The following GALNT2 variants were observed in gnomAD, a reference collection of about 807,000 sequenced individuals.
GALNT2 encodes polypeptide N-acetylgalactosaminyltransferase 2.
GALNT2 carries 31 observed loss-of-function variants against 81.4 expected under a neutral mutation model. That is an observed-to-expected ratio of 0.38 (90% CI 0.29 to 0.51). The LOEUF is 0.51. Among genes scored for constraint, GALNT2 ranks in the 20% least tolerant of loss-of-function variants. The probability of loss-of-function intolerance (pLI) is 0.87; values close to 1 mark genes in which losing one functional copy is unlikely to be tolerated. For missense variants in GALNT2, 629 were observed against 765.7 expected, an observed-to-expected ratio of 0.82 and a Z score of 2.11; for synonymous variants, 303 against 287.4, an observed-to-expected ratio of 1.05 and a Z score of -0.55.
chr1:230,113,612 G>A (rs1051364228), intron 1 of GALNT2, among the ~76,000 whole-genome samples: 2 of 152,066 alleles, frequency 1.3e-5, no homozygotes, highest in African/African-American at 2.4e-5. Context: ...GGGATGGATC[G>A]CTGCTGAGTG....
intron 2 of GALNT2, among the ~76,000 whole-genome samples, chr1:230,187,639 C>T (rs552743158): frequency 1.3e-5 from 2 of 152,276 alleles, no homozygotes; most frequent in African/African-American, 4.8e-5. Flanking sequence ...CCTCTTGGTA[C>T]CTGAATTCTC....
At chr1:230,216,095 G>T (rs1342894744) in intron 3 of GALNT2, among the ~76,000 whole-genome samples, 5 of 152,134 alleles carry the variant, frequency 3.3e-5, no homozygotes, top group Non-Finnish European at 7.3e-5. Flanking sequence ...CAGGAAAAAT[G>T]GAGTCAACAG....
intron 1 of GALNT2, among the ~76,000 whole-genome samples, chr1:230,141,582 T>C (rs1047607498): frequency 5.3e-5 from 8 of 152,198 alleles, no homozygotes; most frequent in Admixed American, 5.2e-4. Flanking sequence ...CTTAGCATAA[T>C]GTCCTCAGGG....
intron 1 of GALNT2, among the ~76,000 whole-genome samples, chr1:230,164,988 C>T (rs1185458244): frequency 6.6e-6 from 1 of 152,158 alleles, no homozygotes; most frequent in East Asian, 1.9e-4. Flanking sequence ...TGGCTTTGGG[C>T]AGCATTTGGA....
intron 8 of GALNT2, among the ~76,000 whole-genome samples, chr1:230,247,013 G>A (rs901632287): frequency 1.3e-5 from 2 of 151,886 alleles, no homozygotes; most frequent in Non-Finnish European, 2.9e-5. Context: ...GCTAAGGTGG[G>A]AGGATTGCTT....
In GALNT2 at chr1:230,249,467, G is replaced by T. The variant is rs538224523; in HGVS notation, c.905+196G>T. Among the ~76,000 whole-genome samples, 125 of 152,348 alleles carry T rather than the reference G, an allele frequency of 8.2e-4. 1 individual carries two copies. The highest frequency in any genetic ancestry group is 6.8e-3 in the Middle Eastern group (2 of 294). ...AATCCTTGGAGATTTCTTTTCCACA[G>T]TTGAAGTCTCACATAGGTTTATAAG... On this transcript the variant is annotated intron_variant, in intron 9 of 15. Coordinates refer to ENST00000366672, the MANE Select transcript of GALNT2 (RefSeq NM_004481.5).
chr1:230,139,457 C>T (rs538145155), intron 1 of GALNT2, among the ~76,000 whole-genome samples: 95 of 152,260 alleles, frequency 6.2e-4, no homozygotes, highest in African/African-American at 2.2e-3. Context: ...AGTTCAGGGT[C>T]TCAGCCTCTG....
At chr1:230,108,467 C>A (rs554800762) in intron 1 of GALNT2, among the ~76,000 whole-genome samples, 5 of 152,292 alleles carry the variant, frequency 3.3e-5, no homozygotes, top group African/African-American at 9.6e-5. Context: ...TTTCAACTTA[C>A]AGTGGCTTTA....
At position 230,279,924 on chromosome 1, in the gene GALNT2, T is replaced by C. The variant is rs865839673; in HGVS notation, c.*466T>C. On this transcript the variant is annotated 3_prime_UTR_variant, in exon 16 of 16. Coordinates refer to ENST00000366672, the MANE Select transcript of GALNT2 (RefSeq NM_004481.5). This position sits in a 1 kb window ranked among gnomAD's most constrained non-coding sequence, Gnocchi z 4.6. ...GTATGGTTTCCACAAAGCCGAGTCGTGTCACGTGGCAGGTTTACGTCAATA... is the reference window on the plus strand; with the variant it reads ...GTATGGTTTCCACAAAGCCGAGTCGCGTCACGTGGCAGGTTTACGTCAATA... The C allele has an allele frequency of 2.2e-5, 10 of 456,732 alleles. No homozygotes were observed. Among genetic ancestry groups the C allele is most frequent in the African/African-American group, 1.6e-4 (8 of 50,100 alleles). The allele number at this position is 456,732 out of a possible 1,614,324, so 28.3% of individuals were successfully genotyped here.
chr1:230,098,983 C>T lies in GALNT2; in HGVS notation c.126+31577C>T, dbSNP rs894475862. 6.6e-5 allele frequency among the ~76,000 whole-genome samples: 10 copies of T among 152,120 alleles called. No homozygotes were observed. The South Asian group carries it at 8.3e-4, about 13-fold the overall frequency. Reference sequence around the variant, plus strand: ...AGCTGTGCATTGAGCGGGCTGGTCACGTGCCCCCCTTTAGATGTTCCCGAT... The same window carrying T: ...AGCTGTGCATTGAGCGGGCTGGTCATGTGCCCCCCTTTAGATGTTCCCGAT... On this transcript the variant is annotated intron_variant, in intron 1 of 15. Coordinates refer to ENST00000366672, the MANE Select transcript of GALNT2 (RefSeq NM_004481.5).
At chr1:230,168,362 C>G (rs79300759) in intron 1 of GALNT2, among the ~76,000 whole-genome samples, 1 of 152,334 alleles carries the variant, frequency 6.6e-6, no homozygotes, top group East Asian at 1.9e-4. Flanking sequence ...TGCTCGCTTT[C>G]TCTGGGCTAA....
At chr1:230,105,876 G>C (rs1660529150) in intron 1 of GALNT2, among the ~76,000 whole-genome samples, 1 of 151,964 alleles carries the variant, frequency 6.6e-6, no homozygotes, top group Non-Finnish European at 1.5e-5. Flanking sequence ...AGTCCTGTCT[G>C]ATGCCAGATC....
rs1256494503 is a variant in GALNT2, at chr1:230,164,110, G to A, written c.127-14108G>A. On this transcript the variant is annotated intron_variant, in intron 1 of 15. Transcript: ENST00000366672. ...CAAAGATACTGTGAAGAACACATAC[G>A]TAACTGCAATCGCACACGTGTAGCT... Among the ~76,000 whole-genome samples, 5 of 152,274 alleles carry A rather than the reference G, an allele frequency of 3.3e-5. No individual in the cohort carries two copies. In the South Asian group the frequency reaches 1.0e-3, roughly 32 times the overall value.
chr1:230,213,939 G>A (rs1664308509), intron 3 of GALNT2, among the ~76,000 whole-genome samples: 1 of 152,034 alleles, frequency 6.6e-6, no homozygotes, highest in African/African-American at 2.4e-5. Context: ...GTTTTATGCA[G>A]TAAATATCCT....
chr1:230,087,603 G>T (rs1250706168), intron 1 of GALNT2, among the ~76,000 whole-genome samples: 1 of 152,208 alleles, frequency 6.6e-6, no homozygotes, highest in Non-Finnish European at 1.5e-5. Flanking sequence ...CTGGCTGTGG[G>T]GCCCAAGTGT....
chr1:230,162,290 C>CGGT (rs1356059992), intron 1 of GALNT2, among the ~76,000 whole-genome samples: 2 of 152,120 alleles, frequency 1.3e-5, no homozygotes, highest in African/African-American at 4.8e-5. Flanking sequence ...ATCTGATCAC[C>CGGT]TACCATATTC....
rs924305837 is a variant in GALNT2 at position 230,279,881 on chromosome 1, C to T, written c.*423C>T. 20 of 460,402 alleles carry T rather than the reference C, an allele frequency of 4.3e-5. No homozygotes were observed. Among genetic ancestry groups the T allele is most frequent in the African/African-American group, 8.0e-5 (4 of 50,274 alleles). The allele number at this position is 460,402 out of a possible 1,614,324, so 28.5% of individuals were successfully genotyped here. A position where few individuals can be genotyped will look rare whatever the true frequency, so the allele number is the denominator to read the frequency against. ...GGAGAACTCTTGAAATCTCCATTTT[C>T]AATCCCTTCGAAATCACGTATGGTT... On this transcript the variant is annotated 3_prime_UTR_variant, in exon 16 of 16. Coordinates refer to ENST00000366672, the MANE Select transcript of GALNT2 (RefSeq NM_004481.5). This position sits in a 1 kb window ranked among gnomAD's most constrained non-coding sequence, Gnocchi z 4.6.
chr1:230,207,286 G>A (rs1005244786), intron 3 of GALNT2, among the ~76,000 whole-genome samples: 5 of 152,016 alleles, frequency 3.3e-5, no homozygotes, highest in African/African-American at 1.2e-4. Flanking sequence ...CTCAAGATGG[G>A]CCACACACAA....
chr1:230,223,206 T>TA (rs60161365), intron 3 of GALNT2, among the ~76,000 whole-genome samples: 2 of 151,184 alleles, frequency 1.3e-5, no homozygotes, highest in East Asian at 3.9e-4. Flanking sequence ...TTTTTTTTTT[T>TA]AATAGAGATG....
Sources: allele counts gnomAD v4.1 joint callset (sites outside exome capture counted in the v4.1 genomes callset), GRCh38; gene constraint gnomAD v4.1.1; non-coding constraint Gnocchi (gnomAD v3.1); transcripts MANE v1.5; gene names NCBI Gene and HGNC (gene_info 2026-07-23, HGNC 2026-07-21).